KLF12: variants seen among roughly 807,000 people sequenced by gnomAD.
KLF12 encodes KLF transcription factor 12, also known as Krueppel-like factor 12.
A neutral mutation model predicts 37.8 loss-of-function variants in KLF12; 9 were observed. The observed-to-expected ratio is 0.24, with a 90% CI of 0.14 to 0.42. The LOEUF (loss-of-function observed/expected upper bound fraction) is 0.42, where lower values mean the gene tolerates loss of function less well. Ranked by LOEUF, KLF12 falls within the 10% of genes least tolerant of loss-of-function variation. The pLI is 1.00. For missense variants in KLF12, 411 were observed against 516.0 expected (o/e 0.80, Z 1.97); for synonymous variants, 208 against 202.1 (o/e 1.03, Z -0.25).
chr13:74,303,511 A>G, the KLF12 span, among the ~76,000 whole-genome samples: 1 of 152,300 alleles, frequency 6.6e-6, no homozygotes, highest in Middle Eastern at 3.4e-3. Flanking sequence ...TAGGGTAAAG[A>G]ACTAAACGAG....
At chr13:73,989,364 T>G (rs1338263389) in intron 2 of KLF12, among the ~76,000 whole-genome samples, 1 of 152,184 alleles carries the variant, frequency 6.6e-6, no homozygotes, top group African/African-American at 2.4e-5. Flanking sequence ...CAAGACCTAT[T>G]CAATGACCCT....
At chr13:73,788,011 AAC>A (rs962391694) in intron 5 of KLF12, among the ~76,000 whole-genome samples, 2 of 152,160 alleles carry the variant, frequency 1.3e-5, no homozygotes, top group African/African-American at 2.4e-5. Context: ...AGGTAATAAA[AAC>A]ACACTTTATT....
intron 6 of KLF12, among the ~76,000 whole-genome samples, chr13:73,753,913 G>A (rs1878964192): frequency 6.6e-6 from 1 of 152,106 alleles, no homozygotes; most frequent in African/African-American, 2.4e-5. Context: ...TTTCTAAAAG[G>A]TGTTGCTTGG....
intron 6 of KLF12, among the ~76,000 whole-genome samples, chr13:73,757,875 A>G (rs1320318794): frequency 1.3e-5 from 2 of 152,174 alleles, no homozygotes; most frequent in Non-Finnish European, 2.9e-5. Flanking sequence ...CTTTCTATAT[A>G]TATGAAATAA....
the KLF12 span, among the ~76,000 whole-genome samples, chr13:74,151,419 G>A: frequency 6.6e-6 from 1 of 152,302 alleles, no homozygotes; most frequent in East Asian, 1.9e-4. Flanking sequence ...GGGAGCCCGA[G>A]GTGGGCGGAT....
intron 1 of KLF12, among the ~76,000 whole-genome samples, chr13:74,062,095 T>G (rs1034509599): frequency 1.6e-4 from 25 of 152,218 alleles, no homozygotes; most frequent in African/African-American, 6.0e-4. Context: ...TGTCTCTGGC[T>G]TCTCATTGCT....
At chr13:73,923,191 T>A (rs1341801497) in intron 3 of KLF12, among the ~76,000 whole-genome samples, 1 of 152,228 alleles carries the variant, frequency 6.6e-6, no homozygotes, top group East Asian at 1.9e-4. Flanking sequence ...TGTCAATGAC[T>A]AAAATGTGAA....
chr13:74,032,479 G>C (rs755203790), intron 1 of KLF12, among the ~76,000 whole-genome samples: 11 of 152,036 alleles, frequency 7.2e-5, no homozygotes, highest in Non-Finnish European at 1.5e-4. Context: ...GCTCATTCTT[G>C]TATCTGCTAC....
the KLF12 span, among the ~76,000 whole-genome samples, chr13:74,153,136 T>TTTTC: frequency 6.6e-6 from 1 of 151,970 alleles, no homozygotes; most frequent in African/African-American, 2.4e-5. Context: ...ATGCTTTTTT[T>TTTTC]CTCCTCCATT....
the KLF12 span, among the ~76,000 whole-genome samples, chr13:74,274,962 T>G: frequency 6.6e-6 from 1 of 152,186 alleles, no homozygotes; most frequent in African/African-American, 2.4e-5. Flanking sequence ...TGAGTCTTGG[T>G]TAAGGAGCCT....
At chr13:74,262,593 A>G in the KLF12 span, among the ~76,000 whole-genome samples, 1 of 152,218 alleles carries the variant, frequency 6.6e-6, no homozygotes, top group Non-Finnish European at 1.5e-5. Flanking sequence ...TATGTAAACA[A>G]TATAACTGTT....
In KLF12 at chr13:73,687,643, C is replaced by G. The variant is rs1335653443; in HGVS notation, c.*7847G>C. 1 of 152,016 alleles carries G rather than the reference C, an allele frequency of 6.6e-6. No homozygotes were observed. Among genetic ancestry groups the G allele is most frequent in the Non-Finnish European group, 1.5e-5 (1 of 68,006 alleles). 9.4% of individuals were successfully genotyped at this position (152,016 alleles called of 1,614,324 possible). A position where few individuals can be genotyped will look rare whatever the true frequency, so the allele number is the denominator to read the frequency against. ...GTTGGTATGTCCCTAAAATATCTTA[C>G]TTTTTGATTGCTTGGACACTTTTAT... On this transcript the variant is annotated 3_prime_UTR_variant, in exon 8 of 8. Transcript: ENST00000377669.
chr13:73,810,305 T>C (rs1027770007), intron 5 of KLF12, among the ~76,000 whole-genome samples: 1 of 152,158 alleles, frequency 6.6e-6, no homozygotes, highest in African/African-American at 2.4e-5. Context: ...CTGAGGTTTC[T>C]ATTAAACAGT....
Position 73,920,274 on chromosome 13 carries a change from CATATGT to C in KLF12, c.123+23701_123+23706del, listed in dbSNP as rs1889051601. The stretch of plus-strand genomic sequence containing the variant: ...AAGTTTATATCTGCATAAACATACA[CATATGT>C]ATAACTATGTACATATATGCCTATG... On this transcript the variant is annotated intron_variant, in intron 3 of 7. Coordinates refer to ENST00000377669, the MANE Select transcript of KLF12 (RefSeq NM_007249.5). Among the ~76,000 whole-genome samples the C allele has an allele frequency of 2.0e-5, 3 of 152,098 alleles. No individual in the cohort carries two copies. The South Asian group carries it at 6.2e-4, about 32-fold the overall frequency.
At chr13:74,278,109 C>G in the KLF12 span, among the ~76,000 whole-genome samples, 1 of 152,136 alleles carries the variant, frequency 6.6e-6, no homozygotes, top group African/African-American at 2.4e-5. Context: ...GGTGCTCTCA[C>G]GAGTTCTTTG....
chr13:73,910,221 T>C (rs1388667408), intron 3 of KLF12, among the ~76,000 whole-genome samples: 1 of 152,150 alleles, frequency 6.6e-6, no homozygotes, highest in Non-Finnish European at 1.5e-5. Context: ...AATATTATTT[T>C]CCCCAGAAAA....
intron 1 of KLF12, among the ~76,000 whole-genome samples, chr13:74,072,308 TATC>T (rs534848031): frequency 3.7e-4 from 54 of 144,704 alleles, no homozygotes; most frequent in African/African-American, 1.3e-3. Flanking sequence ...CATGAATTCT[TATC>T]AACTCCTAAA....
chr13:74,301,798 C>T, the KLF12 span, among the ~76,000 whole-genome samples: 1 of 152,134 alleles, frequency 6.6e-6, no homozygotes, highest in Non-Finnish European at 1.5e-5. Flanking sequence ...AGAGTGTACG[C>T]TGCATTGGAA....
chr13:73,808,188 TG>T (rs1882747061), intron 5 of KLF12, among the ~76,000 whole-genome samples: 1 of 151,828 alleles, frequency 6.6e-6, no homozygotes, highest in East Asian at 1.9e-4. Flanking sequence ...ATCAAGGGGG[TG>T]GGGGATCAAG....
Sources: allele counts gnomAD v4.1 joint callset (sites outside exome capture counted in the v4.1 genomes callset), GRCh38; gene constraint gnomAD v4.1.1; transcripts MANE v1.5; gene names NCBI Gene and HGNC (gene_info 2026-07-23, HGNC 2026-07-21).